Variants in PDE1C observed in about 807,000 individuals in gnomAD.
PDE1C encodes the protein phosphodiesterase 1C, also known as dual specificity calcium/calmodulin-dependent 3',5'-cyclic nucleotide phosphodiesterase 1C.
A neutral mutation model predicts 93.1 loss-of-function variants in PDE1C; 62 were observed. The ratio of observed to expected loss-of-function variants is 0.67; its 90% CI spans 0.54 to 0.82. The LOEUF (loss-of-function observed/expected upper bound fraction) is 0.82, where lower values mean the gene tolerates loss of function less well. PDE1C is among the 40% of genes least tolerant of loss of function. PDE1C has a pLI of 0.00. For synonymous variants in PDE1C, 325 were observed against 310.1 expected (o/e 1.05, Z -0.50); for missense variants, 742 against 884.6 (o/e 0.84, Z 2.04).
intron 2 of PDE1C, among the ~76,000 whole-genome samples, chr7:31,970,968 C>A (rs560012062): frequency 6.6e-6 from 1 of 152,128 alleles, no homozygotes; most frequent in South Asian, 2.1e-4. Flanking sequence ...CATGATGAAA[C>A]CCTGTCTCTA....
intron 1 of PDE1C, among the ~76,000 whole-genome samples, chr7:32,271,271 G>C (rs1810943754): frequency 6.6e-6 from 1 of 152,248 alleles, no homozygotes; most frequent in South Asian, 2.1e-4. Flanking sequence ...GACAGGGATG[G>C]AGCCAGTGGA....
chr7:32,128,190 G>T (rs1192432599), intron 3 of PDE1C, among the ~76,000 whole-genome samples: 1 of 150,868 alleles, frequency 6.6e-6, no homozygotes, highest in Non-Finnish European at 1.5e-5. Context: ...AGTGCCTATT[G>T]TATGTAAGAC....
intron 3 of PDE1C, among the ~76,000 whole-genome samples, chr7:32,101,069 A>T (rs1369773923): frequency 6.6e-6 from 1 of 152,198 alleles, no homozygotes; most frequent in Non-Finnish European, 1.5e-5. Context: ...AGCAAGACCC[A>T]GATCTAAATT....
At chr7:31,984,868 AAACT>A (rs1459641287) in intron 2 of PDE1C, among the ~76,000 whole-genome samples, 1 of 152,180 alleles carries the variant, frequency 6.6e-6, no homozygotes, top group East Asian at 1.9e-4. Flanking sequence ...GAATTCCAGC[AAACT>A]AACAAATTGG....
At chr7:31,709,698 G>A in the PDE1C span, among the ~76,000 whole-genome samples, 1 of 152,156 alleles carries the variant, frequency 6.6e-6, no homozygotes, top group African/African-American at 2.4e-5. Flanking sequence ...ATCACTGGGT[G>A]ACTTGGGTGG....
At chr7:32,048,640 T>C (rs992821059) in intron 2 of PDE1C, among the ~76,000 whole-genome samples, 1 of 152,134 alleles carries the variant, frequency 6.6e-6, no homozygotes, top group African/African-American at 2.4e-5. Context: ...GTGGATCAGA[T>C]TCAAACCAGC....
chr7:32,313,466 C>T (rs1250436734), intron 1 of PDE1C, among the ~76,000 whole-genome samples: 1 of 151,912 alleles, frequency 6.6e-6, no homozygotes, highest in Non-Finnish European at 1.5e-5. Context: ...ATGTTTATTG[C>T]AGCACTATTC....
chr7:32,231,276 T>A (rs934509350), intron 1 of PDE1C, among the ~76,000 whole-genome samples: 3 of 152,056 alleles, frequency 2.0e-5, no homozygotes, highest in Non-Finnish European at 4.4e-5. Context: ...GTTCACCAGC[T>A]TAGAGTAACT....
At chr7:32,388,432 C>T (rs1173996205) in intron 1 of PDE1C, among the ~76,000 whole-genome samples, 1 of 152,024 alleles carries the variant, frequency 6.6e-6, no homozygotes, top group African/African-American at 2.4e-5. Context: ...AGCCTAGAGC[C>T]AGAACGGGGT....
the PDE1C span, among the ~76,000 whole-genome samples, chr7:31,650,064 G>A: frequency 6.6e-6 from 1 of 152,214 alleles, no homozygotes; most frequent in Non-Finnish European, 1.5e-5. Flanking sequence ...AGTAACTGAA[G>A]TTAGGATTCT....
chr7:32,214,612 ATAAT>A (rs1806289012), intron 1 of PDE1C, among the ~76,000 whole-genome samples: 1 of 152,184 alleles, frequency 6.6e-6, no homozygotes, highest in Non-Finnish European at 1.5e-5. Flanking sequence ...TCCTTCAAAA[ATAAT>A]TACCCCTATT....
intron 1 of PDE1C, among the ~76,000 whole-genome samples, chr7:32,287,497 T>C (rs929323741): frequency 1.3e-5 from 2 of 152,224 alleles, no homozygotes; most frequent in African/African-American, 4.8e-5. Flanking sequence ...AGCACAGTTA[T>C]ACCAATGTCT....
chr7:31,698,489 C>T, the PDE1C span, among the ~76,000 whole-genome samples: 1 of 152,226 alleles, frequency 6.6e-6, no homozygotes, highest in Non-Finnish European at 1.5e-5. Context: ...TTCACACACA[C>T]ACATTTCTAC....
At chr7:31,895,301 G>A (rs1799140904) in intron 2 of PDE1C, among the ~76,000 whole-genome samples, 1 of 152,108 alleles carries the variant, frequency 6.6e-6, no homozygotes, top group African/African-American at 2.4e-5. Flanking sequence ...AGGAGGAGCT[G>A]AACAGGGACA....
At chr7:31,837,142 A>G (rs1401527474) in intron 11 of PDE1C, 38 bp downstream of exon 11, 7 of 1,595,834 alleles carry the variant, frequency 4.4e-6, no homozygotes, top group Middle Eastern at 1.7e-4. Flanking sequence ...AAAATATCCA[A>G]TGATGACAGT....
intron 16 of PDE1C, among the ~76,000 whole-genome samples, chr7:31,790,787 C>G (rs1784506640): frequency 6.6e-6 from 1 of 152,008 alleles, no homozygotes; most frequent in Non-Finnish European, 1.5e-5. Flanking sequence ...TCCACTGGAC[C>G]CAGAGCAAGG....
intron 1 of PDE1C, among the ~76,000 whole-genome samples, chr7:32,291,128 T>C (rs1345696965): frequency 4.6e-5 from 7 of 152,206 alleles, no homozygotes; most frequent in Non-Finnish European, 1.0e-4. Flanking sequence ...ATTGTCTACA[T>C]TTAACAGATG....
chr7:32,233,765 A>G (rs1457246754), intron 1 of PDE1C, among the ~76,000 whole-genome samples: 1 of 152,120 alleles, frequency 6.6e-6, no homozygotes, highest in Non-Finnish European at 1.5e-5. Context: ...TCAGTAATCA[A>G]TAGAATGATT....
At chr7:32,228,075 C>G (rs894823367) in intron 1 of PDE1C, among the ~76,000 whole-genome samples, 1 of 152,250 alleles carries the variant, frequency 6.6e-6, no homozygotes, top group Non-Finnish European at 1.5e-5. Flanking sequence ...TCCTGCCTCA[C>G]AGGCATATGT....
Sources: gnomAD v4.1 joint callset for allele counts (sites outside exome capture counted in the v4.1 genomes callset) on GRCh38, gnomAD v4.1.1 for gene constraint, MANE v1.5 for transcripts, NCBI Gene and HGNC (gene_info 2026-07-23, HGNC 2026-07-21) for gene names.